FMO2: variants seen among roughly 807,000 people sequenced by gnomAD.
FMO2 encodes flavin containing dimethylaniline monoxygenase 2, also known as flavin-containing monooxygenase 2.
Under a neutral mutation model 41.6 loss-of-function variants are expected in FMO2, and 33 were observed. That is an observed-to-expected ratio of 0.79 (90% CI 0.60 to 1.06). The LOEUF is 1.06. Ranked by LOEUF, FMO2 falls within the 50% of genes least tolerant of loss-of-function variation. The pLI is 0.00. For missense variants in FMO2, 619 were observed against 632.9 expected (o/e 0.98, Z 0.23); for synonymous variants, 214 against 219.6 (o/e 0.97, Z 0.23).
At chr1:171,192,433 T>C (rs1396114632) in intron 2 of FMO2, among the ~76,000 whole-genome samples, 9 of 152,086 alleles carry the variant, frequency 5.9e-5, no homozygotes, top group Non-Finnish European at 2.9e-5. Context: ...TTACTTGAAA[T>C]TATAGCAAAG....
intron 2 of FMO2, among the ~76,000 whole-genome samples, chr1:171,191,934 A>G (rs1571274018): frequency 1.4e-4 from 1 of 7,302 alleles, no homozygotes; most frequent in South Asian, 0.028. Context: ...GCTACTTGGA[A>G]GGTTGAGGTG....
chr1:171,196,025 T>A (rs78468818), intron 3 of FMO2, among the ~76,000 whole-genome samples: 2,511 of 152,348 alleles, frequency 0.016, 34 homozygotes, highest in Middle Eastern at 0.044. Flanking sequence ...GCCAATTGCA[T>A]GATCACTTGA....
At chr1:171,189,471 A>G (rs1657985923) in intron 2 of FMO2, among the ~76,000 whole-genome samples, 1 of 152,072 alleles carries the variant, frequency 6.6e-6, no homozygotes. Flanking sequence ...TAAATACCTG[A>G]GCCAGGGAAC....
At chr1:171,204,946 G>A (rs1036854842) in intron 6 of FMO2, among the ~76,000 whole-genome samples, 2 of 152,122 alleles carry the variant, frequency 1.3e-5, no homozygotes, top group African/African-American at 2.4e-5. Flanking sequence ...CATGAAAAAG[G>A]TTAAAAACAG....
chr1:171,189,787 G>A (rs1658007607), intron 2 of FMO2, among the ~76,000 whole-genome samples: 1 of 150,790 alleles, frequency 6.6e-6, no homozygotes, highest in Non-Finnish European at 1.5e-5. Context: ...ACAGCCTTGT[G>A]CCACCACACA....
At chr1:171,196,243 T>C (rs1214150688) in intron 3 of FMO2, among the ~76,000 whole-genome samples, 3 of 152,210 alleles carry the variant, frequency 2.0e-5, no homozygotes, top group Non-Finnish European at 4.4e-5. Context: ...AATAATTATA[T>C]AAAGAGCAAT....
intron 8 of FMO2, among the ~76,000 whole-genome samples, 195 bp from the exon 9 acceptor site, chr1:171,208,599 T>C (rs1479715780): frequency 1.3e-5 from 2 of 152,196 alleles, no homozygotes; most frequent in Non-Finnish European, 2.9e-5. Context: ...TTCATGGCTC[T>C]TTATTTGAGG....
intron 5 of FMO2, among the ~76,000 whole-genome samples, chr1:171,203,408 T>C (rs751911461): frequency 2.5e-4 from 38 of 152,050 alleles, no homozygotes; most frequent in Non-Finnish European, 4.6e-4. Flanking sequence ...CCTGTTATTC[T>C]CCATCCAGGG....
chr1:171,207,374 A>T (rs563589613), intron 7 of FMO2, among the ~76,000 whole-genome samples: 13 of 152,186 alleles, frequency 8.5e-5, no homozygotes, highest in African/African-American at 2.9e-4. Flanking sequence ...TGATCTTCTC[A>T]CTTCATTCAG....
rs760372514 is a variant in FMO2, at chr1:171,199,333, C to T, written c.485-13C>T. The stretch of plus-strand genomic sequence containing the variant: ...TCTGGAGCTCACAGACTTCTCTCTT[C>T]TTCCCCCTGAAGGTATGGAGAGGTT... On this transcript the variant is annotated splice_polypyrimidine_tract_variant and intron_variant, in intron 4 of 8. Coordinates refer to ENST00000209929, the MANE Select transcript of FMO2 (RefSeq NM_001460.5). The T allele has an allele frequency of 1.3e-6, 2 of 1,567,284 alleles. No individual in the cohort carries two copies. Among genetic ancestry groups the T allele is most frequent in the African/African-American group, 1.4e-5 (1 of 72,494 alleles).
Position 171,194,127 on chromosome 1 carries a change from C to A in FMO2, c.321+604C>A, listed in dbSNP as rs1658208992. Reference sequence around the variant, plus strand: ...ATCTGTTATCATTGAATACACCTAGCTTCATTTGCCTTGAAAGGGCGTATA... The same window carrying A: ...ATCTGTTATCATTGAATACACCTAGATTCATTTGCCTTGAAAGGGCGTATA... On this transcript the variant is annotated intron_variant, in intron 3 of 8. Transcript: ENST00000209929. Among the ~76,000 whole-genome samples, 2 of 152,184 alleles carry A rather than the reference C, an allele frequency of 1.3e-5. 1 individual carries two copies. Among genetic ancestry groups the A allele is most frequent in the South Asian group, 4.1e-4 (2 of 4,830 alleles).
At chr1:171,203,418 G>T (rs1381910478) in intron 5 of FMO2, among the ~76,000 whole-genome samples, 1 of 151,950 alleles carries the variant, frequency 6.6e-6, no homozygotes, top group Non-Finnish European at 1.5e-5. Context: ...TCCATCCAGG[G>T]ATATTCAGAT....
At chr1:171,196,070 TAACA>T (rs905857217) in intron 3 of FMO2, among the ~76,000 whole-genome samples, 5 of 152,294 alleles carry the variant, frequency 3.3e-5, no homozygotes, top group South Asian at 2.1e-4. Flanking sequence ...GATTATCAAA[TAACA>T]AACAGAGAGA....
At chr1:171,193,893 C>T (rs1185584298) in intron 3 of FMO2, among the ~76,000 whole-genome samples, 1 of 152,028 alleles carries the variant, frequency 6.6e-6, no homozygotes, top group Non-Finnish European at 1.5e-5. Flanking sequence ...GATTCTCCTG[C>T]CTCGGCCTCC....
In FMO2 at chr1:171,210,005, A is replaced by C. The variant is rs1658916969; in HGVS notation, c.*860A>C. ...TCAGATTTGTTGAACTCTAGAACTA[A>C]AGATCATAATGTTGTCTTGTAATAT... On this transcript the variant is annotated 3_prime_UTR_variant, in exon 9 of 9. Transcript: ENST00000209929. 6.6e-6 allele frequency: 1 copy of C among 152,198 alleles called. No individual in the cohort carries two copies. The highest frequency in any genetic ancestry group is 2.1e-4 in the South Asian group (1 of 4,836). 9.4% of individuals were successfully genotyped at this position (152,198 alleles called of 1,614,324 possible). A position where few individuals can be genotyped will look rare whatever the true frequency, so the allele number is the denominator to read the frequency against.
intron 2 of FMO2, among the ~76,000 whole-genome samples, chr1:171,189,654 C>CTTGTTT (rs1657997007): frequency 8.1e-6 from 1 of 122,774 alleles, no homozygotes; most frequent in Admixed American, 9.3e-5. Flanking sequence ...CGTCTTTTTT[C>CTTGTTT]TTTTCTTTTT....
At chr1:171,207,481 C>T (rs1039409284) in intron 7 of FMO2, 9 of 395,558 alleles carry the variant, frequency 2.3e-5, no homozygotes, top group Admixed American at 4.4e-5. Flanking sequence ...ACACACTTCC[C>T]TTTTCCAGCC....
chr1:171,207,040 T>C (rs989335326), intron 7 of FMO2, among the ~76,000 whole-genome samples: 3 of 152,154 alleles, frequency 2.0e-5, no homozygotes, highest in Admixed American at 2.0e-4. Context: ...CAGAAAATGA[T>C]GCAAGTCTGG....
In FMO2 at chr1:171,193,523, G is replaced by A; in HGVS notation, c.321G>A (p.Gln107=). 6.3e-7 allele frequency: 1 copy of A among 1,583,110 alleles called. No homozygotes were observed. Among genetic ancestry groups the A allele is most frequent in the Non-Finnish European group, 8.6e-7 (1 of 1,156,772 alleles). The change falls in exon 3 of 9, where the codon CAG becomes CAA. Residue 107 remains glutamine, a splice_region_variant and synonymous_variant. Transcript: ENST00000209929. ...KFDLLKYIQF[Q]TTVLSVRKCP... The stretch of plus-strand genomic sequence containing the variant: ...ATCTGCTAAAATATATTCAGTTCCA[G>A]GTATTGTATTTTTGGGGAAATGGGT...
Sources: allele counts gnomAD v4.1 joint callset (sites outside exome capture counted in the v4.1 genomes callset), GRCh38; gene constraint gnomAD v4.1.1; transcripts MANE v1.5; gene names NCBI Gene and HGNC (gene_info 2026-07-23, HGNC 2026-07-21).